Variants in PIEZO2 observed in about 807,000 individuals in gnomAD.
The protein encoded by PIEZO2 is piezo type mechanosensitive ion channel component 2.
PIEZO2 carries 172 observed loss-of-function variants against 337.3 expected under a neutral mutation model. That is an observed-to-expected ratio of 0.51 (90% CI 0.45 to 0.58). The LOEUF (loss-of-function observed/expected upper bound fraction) is 0.58. PIEZO2 is among the 20% of genes least tolerant of loss of function. The pLI, the probability that PIEZO2 is intolerant of heterozygous loss-of-function variation, is 0.00. For synonymous variants in PIEZO2, 1,251 were observed against 1,228.5 expected (o/e 1.02, Z -0.38); for missense variants, 3,028 against 3,391.3 (o/e 0.89, Z 2.66).
Position 10,671,393 on chromosome 18 carries a change from G to A in PIEZO2, c.*134C>T. On this transcript the variant is annotated 3_prime_UTR_variant, in exon 56 of 56. Transcript: ENST00000674853. Reference sequence around the variant, plus strand: ...TAGCTTTTACTGCAGAAGGATATCAGCTCCTTTTGTCTACCTATCAGAAGA... The same window carrying A: ...TAGCTTTTACTGCAGAAGGATATCAACTCCTTTTGTCTACCTATCAGAAGA... 1.1e-6 allele frequency: 1 copy of A among 938,744 alleles called. No individual in the cohort carries two copies. The highest frequency in any genetic ancestry group is 1.9e-5 in the South Asian group (1 of 51,622). The allele number at this position is 938,744 out of a possible 1,614,324, so 58.2% of individuals were successfully genotyped here.
intron 11 of PIEZO2, 82 bp from the exon 12 acceptor site, chr18:10,797,604 A>T: frequency 6.7e-7 from 1 of 1,498,634 alleles, no homozygotes; most frequent in Non-Finnish European, 8.8e-7. Flanking sequence ...CAGCACATGT[A>T]TGGTTTTGGT....
intron 15 of PIEZO2, 107 bp downstream of exon 15, chr18:10,788,972 C>T: frequency 7.9e-7 from 1 of 1,261,044 alleles, no homozygotes; most frequent in Non-Finnish European, 1.1e-6. Flanking sequence ...TTGCCAATCA[C>T]TTTATCCATG....
chr18:10,835,462 A>T (rs2040979063), intron 7 of PIEZO2, among the ~76,000 whole-genome samples: 1 of 152,106 alleles, frequency 6.6e-6, no homozygotes, highest in Non-Finnish European at 1.5e-5. Flanking sequence ...TTACACCATC[A>T]TTTCATTAAA....
chr18:10,971,380 AT>A (rs1489509902), intron 3 of PIEZO2, among the ~76,000 whole-genome samples: 36 of 152,200 alleles, frequency 2.4e-4, no homozygotes, highest in Non-Finnish European at 1.0e-4. Flanking sequence ...TAGGAAAAAC[AT>A]CTCCAATTTC....
At chr18:10,683,603 C>G (rs944260389) in intron 49 of PIEZO2, among the ~76,000 whole-genome samples, 1 of 152,132 alleles carries the variant, frequency 6.6e-6, no homozygotes, top group East Asian at 1.9e-4. Flanking sequence ...AGACTAGGGT[C>G]CCATATTTTA....
At chr18:10,924,777 A>C (rs1436525023) in intron 3 of PIEZO2, among the ~76,000 whole-genome samples, 1 of 152,120 alleles carries the variant, frequency 6.6e-6, no homozygotes, top group Non-Finnish European at 1.5e-5. Context: ...TTTTTCTTTT[A>C]TATTCCTTGG....
At chr18:10,786,995 G>A (rs1487618435) in intron 16 of PIEZO2, 41 bp downstream of exon 16, 1 of 1,491,980 alleles carries the variant, frequency 6.7e-7, no homozygotes, top group African/African-American at 1.4e-5. Flanking sequence ...ATGCATTCAA[G>A]TCTTCATCTT....
chr18:10,719,327 T>A (rs763172899), intron 36 of PIEZO2, among the ~76,000 whole-genome samples: 4 of 152,128 alleles, frequency 2.6e-5, no homozygotes, highest in Non-Finnish European at 5.9e-5. Flanking sequence ...AACAGGTAAT[T>A]TTTCAACCCT....
At chr18:10,844,748 C>A (rs1197528519) in intron 7 of PIEZO2, among the ~76,000 whole-genome samples, 8 of 148,858 alleles carry the variant, frequency 5.4e-5, no homozygotes, top group Non-Finnish European at 1.0e-4. Context: ...AAGATGGCAC[C>A]ACTGCACTCC....
chr18:11,039,786 C>A (rs2037054036), intron 2 of PIEZO2, among the ~76,000 whole-genome samples: 2 of 148,858 alleles, frequency 1.3e-5, no homozygotes, highest in South Asian at 2.1e-4. Flanking sequence ...AAAATTTCTT[C>A]CCCTTTTCAT....
At chr18:10,916,172 T>A (rs1474262296) in intron 3 of PIEZO2, among the ~76,000 whole-genome samples, 3 of 152,140 alleles carry the variant, frequency 2.0e-5, no homozygotes, top group Non-Finnish European at 2.9e-5. Context: ...TATACAGTCC[T>A]CCAGCTAGAC....
chr18:10,671,968 T>C (rs1034648013), intron 55 of PIEZO2, among the ~76,000 whole-genome samples, 189 bp from the exon 56 acceptor site: 2 of 152,130 alleles, frequency 1.3e-5, no homozygotes, highest in East Asian at 1.9e-4. Context: ...AAATAGAAAA[T>C]AGAATTATGT....
At chr18:10,893,153 C>G (rs2042802994) in intron 4 of PIEZO2, among the ~76,000 whole-genome samples, 1 of 152,130 alleles carries the variant, frequency 6.6e-6, no homozygotes, top group Admixed American at 6.5e-5. Context: ...TACAAAATCA[C>G]TGATTTATTG....
intron 2 of PIEZO2, among the ~76,000 whole-genome samples, chr18:10,984,684 A>C (rs1176037279): frequency 1.3e-5 from 2 of 152,184 alleles, no homozygotes; most frequent in Non-Finnish European, 2.9e-5. Context: ...TAATGATATA[A>C]TGACAGAAAA....
intron 3 of PIEZO2, among the ~76,000 whole-genome samples, chr18:10,933,092 T>C (rs141269347): frequency 3.3e-5 from 5 of 152,204 alleles, no homozygotes; most frequent in African/African-American, 1.2e-4. Context: ...TTAGCCCATA[T>C]AAGAACTCCT....
intron 2 of PIEZO2, among the ~76,000 whole-genome samples, chr18:11,025,051 T>G (rs1225167128): frequency 6.6e-6 from 1 of 152,112 alleles, no homozygotes; most frequent in Non-Finnish European, 1.5e-5. Context: ...GAAGCATTTC[T>G]ATAAGCGTCC....
chr18:10,712,767 G>A (rs1013391980), intron 39 of PIEZO2, among the ~76,000 whole-genome samples: 1 of 152,190 alleles, frequency 6.6e-6, no homozygotes, highest in Non-Finnish European at 1.5e-5. Context: ...CACTGAAAAA[G>A]AAAGTTTTAT....
At chr18:10,978,377 C>A (rs957039371) in intron 3 of PIEZO2, among the ~76,000 whole-genome samples, 4 of 151,608 alleles carry the variant, frequency 2.6e-5, no homozygotes, top group Non-Finnish European at 5.9e-5. Flanking sequence ...AACTGCTGAA[C>A]TGTATATTTT....
At position 10,850,352 on chromosome 18, in the gene PIEZO2, C is replaced by T. The variant is rs982829957; in HGVS notation, c.917+5001G>A. On this transcript the variant is annotated intron_variant, in intron 7 of 55. Coordinates refer to ENST00000674853, the MANE Select transcript of PIEZO2 (RefSeq NM_001378183.1). This position sits in a 1 kb window ranked among gnomAD's most constrained non-coding sequence, Gnocchi z 4.5. ...TATACCATATGCATGGGGAGGGCAT[C>T]GCAAACCGGTAAGCTAGTTAACATT... 1.8e-4 allele frequency among the ~76,000 whole-genome samples: 27 copies of T among 152,136 alleles called. No individual in the cohort carries two copies. Among genetic ancestry groups the T allele is most frequent in the Admixed American group, 1.6e-3 (25 of 15,266 alleles).
Sources: allele counts gnomAD v4.1 joint callset (sites outside exome capture counted in the v4.1 genomes callset), GRCh38; gene constraint gnomAD v4.1.1; non-coding constraint Gnocchi (gnomAD v3.1); transcripts MANE v1.5; gene names NCBI Gene and HGNC (gene_info 2026-07-23, HGNC 2026-07-21).